SSBP4: variants seen among roughly 807,000 people sequenced by gnomAD.
The protein encoded by SSBP4 is single stranded DNA binding protein 4.
A neutral mutation model predicts 64.6 loss-of-function variants in SSBP4; 33 were observed. The observed-to-expected ratio is 0.51, with a 90% confidence interval of 0.39 to 0.68. The LOEUF (loss-of-function observed/expected upper bound fraction) is 0.68. Among genes scored for constraint, SSBP4 ranks in the 30% least tolerant of loss-of-function variants. The pLI is 0.00. For synonymous variants in SSBP4, 243 were observed against 224.0 expected (o/e 1.08, Z -0.76); for missense variants, 583 against 566.8 (o/e 1.03, Z -0.29).
chr19:18,426,905 CAGGGGATGTGGGGTGGAG>C lies in SSBP4; in HGVS notation c.60-445_60-428del, dbSNP rs1432607466. Reference sequence around the variant, plus strand: ...AGGAAGAGATGGGGTCCAGGGACTGCAGGGGATGTGGGGTGGAGGACCCCTTCCCTCCTTCCTTCCTGG... The same window carrying C: ...AGGAAGAGATGGGGTCCAGGGACTGCGACCCCTTCCCTCCTTCCTTCCTGG... On this transcript the variant is annotated intron_variant, in intron 1 of 17. Coordinates refer to ENST00000270061, the MANE Select transcript of SSBP4 (RefSeq NM_032627.5). This position sits in a 1 kb window ranked among gnomAD's most constrained non-coding sequence, Gnocchi z 4.5. Among the ~76,000 whole-genome samples the C allele has an allele frequency of 1.3e-5, 2 of 152,106 alleles. No homozygotes were observed. Among genetic ancestry groups the C allele is most frequent in the Non-Finnish European group, 2.9e-5 (2 of 68,000 alleles).
chr19:18,419,028 G>C, upstream of SSBP4: 2 of 985,602 alleles, frequency 2.0e-6, no homozygotes, highest in Non-Finnish European at 2.4e-6. Context: ...AGGCTTTATG[G>C]GGCTATCCGC....
chr19:18,427,522 C>T lies in SSBP4; in HGVS notation c.132+99C>T, dbSNP rs1972943977. The T allele has an allele frequency of 1.4e-6, 2 of 1,432,430 alleles. No homozygotes were observed. The highest frequency in any genetic ancestry group is 4.8e-5 in the East Asian group (2 of 41,410). 88.7% of individuals were successfully genotyped at this position (1,432,430 alleles called of 1,614,324 possible). On this transcript the variant is annotated intron_variant, in intron 2 of 17. Coordinates refer to ENST00000270061, the MANE Select transcript of SSBP4 (RefSeq NM_032627.5). The surrounding 1 kb of genome is among the most constrained non-coding windows in gnomAD (Gnocchi z 4.4). ...CAGGGGGTGGGCCCGCGTTGCCCCT[C>T]TGATGGCCCTGGGAACTGAGGGCTC...
rs991029391 is a variant in SSBP4, at chr19:18,432,288, C to T, written c.704+74C>T. ...AGCTTCATGGCTGGGTCAGCTGGGG[C>T]AGGTCCTGAATCCTCAGGACAGCCT... On this transcript the variant is annotated intron_variant, in intron 10 of 17. Transcript: ENST00000270061. The T allele has an allele frequency of 5.7e-6, 9 of 1,567,626 alleles. No individual in the cohort carries two copies. In the East Asian group the frequency reaches 6.8e-5, roughly 12 times the overall value.
intron 5 of SSBP4, 26 bp from the exon 6 acceptor site, chr19:18,431,327 C>A (rs1234370582): frequency 1.1e-5 from 7 of 664,628 alleles, no homozygotes; most frequent in Middle Eastern, 3.4e-4. Context: ...TCACTCCCCC[C>A]CACCCACCTG....
chr19:18,408,223 T>A, the SSBP4 span, among the ~76,000 whole-genome samples: 1 of 152,170 alleles, frequency 6.6e-6, no homozygotes, highest in Middle Eastern at 3.2e-3. Flanking sequence ...ATGGCTCTCT[T>A]GAGAGCAGTC....
At chr19:18,428,056 T>TGGGGGGCCTGGGGGGGGGGTGGGGGGGG in intron 4 of SSBP4, 74 bp downstream of exon 4, 1 of 444,256 alleles carries the variant, frequency 2.3e-6, no homozygotes, top group Non-Finnish European at 3.7e-6. Flanking sequence ...GGAGGTGGGG[T>TGGGGGGCCTGGGGGGGGGGTGGGGGGGG]GGGGGGCTGC....
chr19:18,412,080 G>A, the SSBP4 span, among the ~76,000 whole-genome samples: 2 of 152,030 alleles, frequency 1.3e-5, no homozygotes, highest in Admixed American at 6.6e-5. Flanking sequence ...TGCGAGGATC[G>A]CTTGAGCCCA....
chr19:18,433,729 C>T lies in SSBP4; in HGVS notation c.1040C>T (p.Ala347Val). 1.4e-6 allele frequency: 2 copies of T among 1,430,076 alleles called. No individual in the cohort carries two copies. Among genetic ancestry groups the T allele is most frequent in the Non-Finnish European group, 9.1e-7 (1 of 1,103,120 alleles). The allele number at this position is 1,430,076 out of a possible 1,614,324, so 88.6% of individuals were successfully genotyped here. ...CCCCAGAGTTCCCCCGGCGCCGTGG[C>T]CGGCCTGAGCAACGCCCCGGGCACC... ...GLPKSSPGAV[A>V]GLSNAPGTPR... Residue 347 changes from alanine to valine, a missense_variant, in exon 17 of 18, where the codon GCC becomes GTC. By Grantham distance (64) the Ala-to-Val change is moderately conservative. Coordinates refer to ENST00000270061, the MANE Select transcript of SSBP4 (RefSeq NM_032627.5).
intron 4 of SSBP4, among the ~76,000 whole-genome samples, chr19:18,428,480 C>T (rs1973036423): frequency 6.6e-6 from 1 of 152,220 alleles, no homozygotes; most frequent in Admixed American, 6.5e-5. Context: ...CTGTCATTTT[C>T]CCTCTGGGTT....
rs1466755730 is a variant in SSBP4 at position 18,431,647 on chromosome 19, C to T, written c.436C>T (p.Pro146Ser). 4 of 1,549,890 alleles carry T rather than the reference C, an allele frequency of 2.6e-6. No individual in the cohort carries two copies. The highest frequency in any genetic ancestry group is 3.5e-6 in the Non-Finnish European group (4 of 1,147,004). ...GCTGATCCCCGCCCACCTCTTCCAG[C>T]CCTTCATGTCACCGCGCTTCCCAGG... is the stretch of plus-strand genomic sequence containing the variant. ...NAPMMGPHGQ[P>S]FMSPRFPGGP... Residue 146 changes from proline (P) to serine (S), a missense_variant and splice_region_variant, in exon 7 of 18, where the codon CCC becomes TCC. Physicochemically the swap from Pro to Ser is moderately conservative, Grantham distance 74 (BLOSUM62 -1). This residue lies in a region of SSBP4 where 444 missense variants were observed against 386.6 expected (regional missense o/e 1.15). Coordinates refer to ENST00000270061, the MANE Select transcript of SSBP4 (RefSeq NM_032627.5).
chr19:18,410,432 TG>T, the SSBP4 span, among the ~76,000 whole-genome samples: 2 of 152,048 alleles, frequency 1.3e-5, no homozygotes, highest in Non-Finnish European at 2.9e-5. Context: ...GCGCCCGGCC[TG>T]GTTCAGTTTT....
At chr19:18,419,297 G>A (rs1349355887), upstream of SSBP4, 1 of 1,001,890 alleles carries the variant, frequency 1.0e-6, no homozygotes, top group Non-Finnish European at 1.2e-6. Context: ...CCGGCGGCGG[G>A]ACCCACCCGC....
At chr19:18,412,142 G>A in the SSBP4 span, among the ~76,000 whole-genome samples, 11 of 152,138 alleles carry the variant, frequency 7.2e-5, no homozygotes, top group African/African-American at 2.6e-4. Flanking sequence ...TCCAGCCTGG[G>A]TGACAGAGTG....
the SSBP4 span, among the ~76,000 whole-genome samples, chr19:18,405,387 G>A: frequency 1.3e-5 from 2 of 152,140 alleles, no homozygotes; most frequent in Admixed American, 6.5e-5. Flanking sequence ...CACGCCAGGC[G>A]TGATGGCTCA....
At chr19:18,432,459 C>G in intron 10 of SSBP4, 100 bp from the exon 11 acceptor site, 4 of 1,477,418 alleles carry the variant, frequency 2.7e-6, no homozygotes, top group Non-Finnish European at 3.7e-6. Context: ...GCTCTGTGGT[C>G]GGTCTGGGGA....
At chr19:18,425,227 C>A (rs1458675239) in intron 1 of SSBP4, among the ~76,000 whole-genome samples, 3 of 152,036 alleles carry the variant, frequency 2.0e-5, no homozygotes, top group Non-Finnish European at 2.9e-5. Flanking sequence ...TCCCCCTGGG[C>A]CTTTTGGACA....
chr19:18,426,494 G>T lies in SSBP4; in HGVS notation c.60-857G>T, dbSNP rs75761393. On this transcript the variant is annotated intron_variant, in intron 1 of 17. Coordinates refer to ENST00000270061, the MANE Select transcript of SSBP4 (RefSeq NM_032627.5). This position sits in a 1 kb window ranked among gnomAD's most constrained non-coding sequence, Gnocchi z 4.5. ...AAGGGCTGGTGCCACAGGACTGGGC[G>T]ACCCTTTGGATAGGGGGTTTGTCCT... 3.3e-5 allele frequency among the ~76,000 whole-genome samples: 5 copies of T among 152,176 alleles called. No homozygotes were observed. Among genetic ancestry groups the T allele is most frequent in the Non-Finnish European group, 7.3e-5 (5 of 68,028 alleles).
chr19:18,403,708 G>T, the SSBP4 span, among the ~76,000 whole-genome samples: 1 of 151,258 alleles, frequency 6.6e-6, no homozygotes, highest in African/African-American at 2.4e-5. Context: ...GGGGTCCTGA[G>T]GTCTGGGGGT....
intron 6 of SSBP4, 87 bp downstream of exon 6, chr19:18,431,505 G>A (rs556013452): frequency 6.3e-6 from 8 of 1,271,686 alleles, no homozygotes; most frequent in South Asian, 1.4e-5. Flanking sequence ...TGAGGTCCTG[G>A]CTGGTGCCAG....
Sources: gnomAD v4.1 joint callset for allele counts (sites outside exome capture counted in the v4.1 genomes callset) on GRCh38, gnomAD v4.1.1 for gene constraint, gnomAD v4.1.1 regional missense constraint, Gnocchi (gnomAD v3.1) non-coding constraint, MANE v1.5 for transcripts, NCBI Gene and HGNC (gene_info 2026-07-23, HGNC 2026-07-21) for gene names.